The following TRERF1 variants were observed in gnomAD, a reference collection of about 807,000 sequenced individuals.
TRERF1 encodes the protein transcriptional regulating factor 1.
TRERF1 carries 27 observed loss-of-function variants against 122.9 expected under a neutral mutation model. The ratio of observed to expected loss-of-function variants is 0.22; its 90% confidence interval spans 0.16 to 0.30. The LOEUF (loss-of-function observed/expected upper bound fraction) is 0.30, where lower values mean the gene tolerates loss of function less well. TRERF1 is among the 10% of genes least tolerant of loss of function. TRERF1 has a pLI of 1.00. For missense variants in TRERF1, 1,248 were observed against 1,560.3 expected (o/e 0.80, Z 3.37); for synonymous variants, 636 against 641.7 (o/e 0.99, Z 0.13).
chr6:42,383,587 C>T (rs1776313017), intron 2 of TRERF1, among the ~76,000 whole-genome samples: 1 of 152,112 alleles, frequency 6.6e-6, no homozygotes, highest in Non-Finnish European at 1.5e-5. Flanking sequence ...CAGAAACCAC[C>T]AAGCTTGGAG....
chr6:42,243,192 T>G, intron 15 of TRERF1, 56 bp downstream of exon 15: 1 of 1,463,504 alleles, frequency 6.8e-7, no homozygotes, highest in South Asian at 1.1e-5. Context: ...CTTACTAACC[T>G]GGGCCTGGGG....
intron 2 of TRERF1, among the ~76,000 whole-genome samples, chr6:42,424,851 A>G (rs569631771): frequency 6.6e-6 from 1 of 152,292 alleles, no homozygotes; most frequent in South Asian, 2.1e-4. Context: ...CGTTGTCCAT[A>G]ATTAAACATT....
intron 3 of TRERF1, among the ~76,000 whole-genome samples, chr6:42,309,833 C>T (rs1358605949): frequency 6.6e-6 from 1 of 152,120 alleles, no homozygotes; most frequent in Non-Finnish European, 1.5e-5. Flanking sequence ...GTCACCCAGG[C>T]TGGAGTGCAG....
intron 4 of TRERF1, among the ~76,000 whole-genome samples, 159 bp downstream of exon 4, chr6:42,300,479 C>G (rs759369586): frequency 6.6e-6 from 1 of 152,236 alleles, no homozygotes; most frequent in South Asian, 2.1e-4. Context: ...AAAATGAGCA[C>G]ACTTTAATCT....
chr6:42,423,851 A>C (rs1230108592), intron 2 of TRERF1, among the ~76,000 whole-genome samples: 1 of 152,190 alleles, frequency 6.6e-6, no homozygotes, highest in Non-Finnish European at 1.5e-5. Context: ...CATTTAAGGG[A>C]GTGGTTCTCA....
chr6:42,349,210 A>G (rs992025379), intron 3 of TRERF1, among the ~76,000 whole-genome samples: 26 of 152,126 alleles, frequency 1.7e-4, no homozygotes, highest in African/African-American at 6.3e-4. Flanking sequence ...ACAGGGGCCA[A>G]GGGAACCCAG....
rs377408796 is a variant in TRERF1 at position 42,228,605 on chromosome 6, G to C, written c.3343C>G (p.Gln1115Glu). 6.2e-6 allele frequency: 10 copies of C among 1,614,154 alleles called. No homozygotes were observed. Among genetic ancestry groups the C allele is most frequent in the Non-Finnish European group, 8.5e-6 (10 of 1,180,026 alleles). The change falls in exon 18 of 18, where the codon CAG becomes GAG. Residue 1115 changes from glutamine (Q) to glutamate (E), a missense_variant. Transcript: ENST00000372922. This position sits in a 1 kb window ranked among gnomAD's most constrained non-coding sequence, Gnocchi z 4.2. ...GCCGCCTTCTGAGCCTTTTGCCTCT[G>C]TTGTTCCTCCTGCTGCCTGTGAGTT... is the stretch of plus-strand genomic sequence containing the variant.
chr6:42,249,149 C>T (rs1482321543), intron 13 of TRERF1, among the ~76,000 whole-genome samples: 4 of 152,304 alleles, frequency 2.6e-5, no homozygotes, highest in Middle Eastern at 3.4e-3. Context: ...GTCCAGAATC[C>T]GTGTGGCCCT....
At chr6:42,408,210 A>AATACAT (rs151035028) in intron 2 of TRERF1, among the ~76,000 whole-genome samples, 1 of 107,142 alleles carries the variant, frequency 9.3e-6, no homozygotes, top group Non-Finnish European at 1.8e-5. Context: ...TATATAAATA[A>AATACAT]ATATATATAT....
rs1480142623 is a variant in TRERF1, at chr6:42,276,783, G to A, written c.-258-6935C>T. Among the ~76,000 whole-genome samples, 1 of 152,192 alleles carries A rather than the reference G, an allele frequency of 6.6e-6. No individual in the cohort carries two copies. Among genetic ancestry groups the A allele is most frequent in the African/African-American group, 2.4e-5 (1 of 41,444 alleles). ...CTGGCTTTCCTGCTGACTCTGGGCT[G>A]TGGGAGGATTTTCAAGGCTCCCTTT... On this transcript the variant is annotated intron_variant, in intron 4 of 17. Transcript: ENST00000372922. This position sits in a 1 kb window ranked among gnomAD's most constrained non-coding sequence, Gnocchi z 4.3.
rs1777495293 is a variant in TRERF1, at chr6:42,259,793, G to T, written c.1885-70C>A. 6 of 1,587,920 alleles carry T rather than the reference G, an allele frequency of 3.8e-6. No individual in the cohort carries two copies. The highest frequency in any genetic ancestry group is 1.1e-5 in the South Asian group (1 of 89,428). On this transcript the variant is annotated intron_variant, in intron 8 of 17. Transcript: ENST00000372922. This position sits in a 1 kb window ranked among gnomAD's most constrained non-coding sequence, Gnocchi z 4.9. ...CGCAGGCCATTTCCACAGGTTCAGGGAAGGGGGCCTTCTACTGTCTAAGCA... is the reference window on the plus strand; with the variant it reads ...CGCAGGCCATTTCCACAGGTTCAGGTAAGGGGGCCTTCTACTGTCTAAGCA...
chr6:42,338,875 ATTTG>A (rs1766709170), intron 3 of TRERF1, among the ~76,000 whole-genome samples: 1 of 152,224 alleles, frequency 6.6e-6, no homozygotes, highest in African/African-American at 2.4e-5. Flanking sequence ...CTCAATGTAT[ATTTG>A]TTTATCTTTA....
chr6:42,438,332 G>A (rs999133994), intron 2 of TRERF1, among the ~76,000 whole-genome samples: 4 of 151,860 alleles, frequency 2.6e-5, no homozygotes, highest in Admixed American at 6.6e-5. Context: ...CCCCCTGGCC[G>A]GGGGCGGTGG....
intron 13 of TRERF1, among the ~76,000 whole-genome samples, chr6:42,250,327 T>C (rs1374896839): frequency 2.6e-5 from 4 of 152,236 alleles, no homozygotes; most frequent in South Asian, 2.1e-4. Flanking sequence ...TGTGTATTTC[T>C]TATCCACAGT....
At chr6:42,270,036 A>G (rs751716676) in intron 4 of TRERF1, among the ~76,000 whole-genome samples, 188 bp from the exon 5 acceptor site, 7 of 152,188 alleles carry the variant, frequency 4.6e-5, no homozygotes, top group Non-Finnish European at 8.8e-5. Flanking sequence ...ATGTTTTTAA[A>G]TTAGCTGGGT....
intron 2 of TRERF1, among the ~76,000 whole-genome samples, chr6:42,385,590 A>T (rs1162360367): frequency 1.3e-5 from 2 of 151,988 alleles, no homozygotes; most frequent in Non-Finnish European, 2.9e-5. Context: ...GGACCCCGAA[A>T]CCTATCGGGA....
At chr6:42,430,676 A>G (rs745967153) in intron 2 of TRERF1, among the ~76,000 whole-genome samples, 1 of 152,134 alleles carries the variant, frequency 6.6e-6, no homozygotes, top group Non-Finnish European at 1.5e-5. Context: ...TGGGTGGATC[A>G]CGAGGTCAGG....
chr6:42,294,581 C>T (rs1247158943), intron 4 of TRERF1, among the ~76,000 whole-genome samples: 3 of 152,200 alleles, frequency 2.0e-5, no homozygotes, highest in Non-Finnish European at 4.4e-5. Context: ...AAGGAGCCAA[C>T]GGCCAATCTC....
chr6:42,349,266 A>G (rs1179283354), intron 3 of TRERF1, among the ~76,000 whole-genome samples: 1 of 151,760 alleles, frequency 6.6e-6, no homozygotes, highest in Non-Finnish European at 1.5e-5. Flanking sequence ...TGGCCCATCA[A>G]GGAAGCTGTC....
Sources: gnomAD v4.1 joint callset for allele counts (sites outside exome capture counted in the v4.1 genomes callset) on GRCh38, gnomAD v4.1.1 for gene constraint, Gnocchi (gnomAD v3.1) non-coding constraint, MANE v1.5 for transcripts, NCBI Gene and HGNC (gene_info 2026-07-23, HGNC 2026-07-21) for gene names.